The following SIPA1L3 variants were observed in gnomAD, a reference collection of about 807,000 sequenced individuals.
SIPA1L3 encodes the protein signal induced proliferation associated 1 like 3.
SIPA1L3 carries 59 observed loss-of-function variants against 150.1 expected under a neutral mutation model. That is an observed-to-expected ratio of 0.39 (90% CI 0.32 to 0.49). SIPA1L3 has a LOEUF of 0.49. Among genes scored for constraint, SIPA1L3 ranks in the 20% least tolerant of loss-of-function variants. SIPA1L3 has a pLI of 0.86. For missense variants in SIPA1L3, 2,211 were observed against 2,489.5 expected, an observed-to-expected ratio of 0.89 and a Z score of 2.38; for synonymous variants, 1,070 against 1,077.6, an observed-to-expected ratio of 0.99 and a Z score of 0.14.
At chr19:37,988,754 C>T (rs1253036183) in intron 1 of SIPA1L3, among the ~76,000 whole-genome samples, 1 of 152,134 alleles carries the variant, frequency 6.6e-6, no homozygotes, top group Non-Finnish European at 1.5e-5. Flanking sequence ...CCACTGGGCC[C>T]CCTTGATCTG....
At chr19:38,205,985 T>A (rs899387869) in intron 21 of SIPA1L3, 112 bp from the exon 22 acceptor site, 161 of 1,268,174 alleles carry the variant, frequency 1.3e-4, no homozygotes, top group Non-Finnish European at 1.5e-4. Context: ...CTGGCTCTAG[T>A]GGTTGGCTCC....
chr19:38,061,409 C>T (rs1405069138), intron 2 of SIPA1L3, among the ~76,000 whole-genome samples: 2 of 151,830 alleles, frequency 1.3e-5, no homozygotes. Context: ...TGGCCAATTC[C>T]TTAGCTTCCC....
intron 1 of SIPA1L3, among the ~76,000 whole-genome samples, chr19:37,954,621 C>T (rs1204768679): frequency 6.6e-6 from 1 of 152,132 alleles, no homozygotes; most frequent in Non-Finnish European, 1.5e-5. Flanking sequence ...TGTTAAGTTT[C>T]CGTAAACCCC....
intron 3 of SIPA1L3, among the ~76,000 whole-genome samples, 161 bp from the exon 4 acceptor site, chr19:38,088,560 C>T (rs940748640): frequency 2.6e-5 from 4 of 152,166 alleles, no homozygotes; most frequent in African/African-American, 9.6e-5. Context: ...CTTACAGTGT[C>T]TCCACTGGGG....
At chr19:38,202,138 C>A in intron 20 of SIPA1L3, 141 bp downstream of exon 20, 2 of 753,904 alleles carry the variant, frequency 2.7e-6, no homozygotes, top group Non-Finnish European at 4.1e-6. Flanking sequence ...ACTCCCCCCT[C>A]CTAACAGACT....
At chr19:38,000,880 T>TATATATATATATGTTATATATATATAAC (rs1309523908) in intron 1 of SIPA1L3, among the ~76,000 whole-genome samples, 3 of 140,410 alleles carry the variant, frequency 2.1e-5, no homozygotes, top group African/African-American at 8.4e-5. Context: ...AAGTTTTTTA[T>TATATATATATATGTTATATATATATAAC]ATATATATAT....
chr19:38,176,120 T>C (rs958977485), intron 15 of SIPA1L3, among the ~76,000 whole-genome samples: 1 of 151,996 alleles, frequency 6.6e-6, no homozygotes, highest in African/African-American at 2.4e-5. Context: ...GGCAGGAGAA[T>C]CACTTGAGCC....
chr19:38,117,884 C>G (rs1451807194), intron 8 of SIPA1L3, among the ~76,000 whole-genome samples: 1 of 152,118 alleles, frequency 6.6e-6, no homozygotes, highest in Non-Finnish European at 1.5e-5. Context: ...CTCCTAGATT[C>G]AAGTGATTCT....
chr19:38,035,695 G>A (rs1455918539), intron 2 of SIPA1L3, among the ~76,000 whole-genome samples: 1 of 152,092 alleles, frequency 6.6e-6, no homozygotes, highest in Non-Finnish European at 1.5e-5. Context: ...TACCTGGCAC[G>A]AGAAGTCGCA....
At chr19:38,195,399 C>G (rs1352062018) in intron 18 of SIPA1L3, among the ~76,000 whole-genome samples, 2 of 152,204 alleles carry the variant, frequency 1.3e-5, no homozygotes, top group African/African-American at 4.8e-5. Flanking sequence ...CCTGCAGCGC[C>G]TGCTGTGGGC....
intron 9 of SIPA1L3, among the ~76,000 whole-genome samples, chr19:38,129,755 G>T (rs34925929): frequency 0.034 from 5,194 of 152,182 alleles, 121 homozygotes; most frequent in Non-Finnish European, 0.057. Flanking sequence ...TGTCAGTCAG[G>T]ATACAGTATT....
intron 2 of SIPA1L3, among the ~76,000 whole-genome samples, chr19:38,067,745 G>C: frequency 6.6e-6 from 1 of 150,406 alleles, no homozygotes. Flanking sequence ...CTGGATGACA[G>C]AGTGAGACTC....
Position 38,182,497 on chromosome 19 carries a change from C to T in SIPA1L3, c.4209-22C>T, listed in dbSNP as rs781272916. On this transcript the variant is annotated intron_variant, in intron 15 of 21. Transcript: ENST00000222345. ...GTGGAATGGATTTGGTTTTTTTTATCTCTTTCATTTTTGCTTTGCAGTGAC... is the reference window on the plus strand; with the variant it reads ...GTGGAATGGATTTGGTTTTTTTTATTTCTTTCATTTTTGCTTTGCAGTGAC... 3.9e-6 allele frequency: 6 copies of T among 1,554,128 alleles called. No individual in the cohort carries two copies. The Admixed American group carries it at 7.6e-5, about 20-fold the overall frequency.
Position 38,119,672 on chromosome 19 carries a change from C to T in SIPA1L3, c.2658C>T (p.Ile886=), listed in dbSNP as rs199695282. Residue 886 remains isoleucine (I), a synonymous_variant, in exon 9 of 22, where the codon ATC becomes ATT. Coordinates refer to ENST00000222345, the MANE Select transcript of SIPA1L3 (RefSeq NM_015073.3). ...VAQDYAQGVE[I]DCILGISNEF... is the part of the protein sequence containing the mutation. ...AGGACTACGCCCAGGGGGTGGAAATCGACTGCATTTTGGGAATTTCCAATG... is the reference window on the plus strand; with the variant it reads ...AGGACTACGCCCAGGGGGTGGAAATTGACTGCATTTTGGGAATTTCCAATG... 6.2e-6 allele frequency: 10 copies of T among 1,614,016 alleles called. No individual in the cohort carries two copies. The highest frequency in any genetic ancestry group is 1.6e-4 in the Middle Eastern group (1 of 6,084).
chr19:38,202,132 C>A, intron 20 of SIPA1L3, 135 bp downstream of exon 20: 1 of 791,648 alleles, frequency 1.3e-6, no homozygotes, highest in Non-Finnish European at 1.9e-6. Context: ...GCAGCTACTC[C>A]CCCCTCCTAA....
At chr19:38,183,001 C>T (rs957882396) in intron 16 of SIPA1L3, 14 of 425,046 alleles carry the variant, frequency 3.3e-5, no homozygotes, top group Non-Finnish European at 5.4e-5. Context: ...GTGCCATATC[C>T]GGGTGTGGAA....
At chr19:38,155,841 G>A (rs1017191435) in intron 13 of SIPA1L3, among the ~76,000 whole-genome samples, 12 of 152,152 alleles carry the variant, frequency 7.9e-5, no homozygotes, top group Admixed American at 2.6e-4. Context: ...AGCATTTTGG[G>A]AGGCCGAGGC....
At chr19:38,187,583 G>C (rs532099299) in intron 16 of SIPA1L3, among the ~76,000 whole-genome samples, 1 of 151,456 alleles carries the variant, frequency 6.6e-6, no homozygotes, top group African/African-American at 2.4e-5. Context: ...CGGGCGAGGT[G>C]GCGGGCGCCT....
intron 1 of SIPA1L3, among the ~76,000 whole-genome samples, chr19:37,943,853 C>G (rs1341503912): frequency 6.6e-6 from 1 of 152,092 alleles, no homozygotes; most frequent in African/African-American, 2.4e-5. Context: ...TTGGTGCTGC[C>G]TCTGCTTGCG....
Sources: allele counts gnomAD v4.1 joint callset (sites outside exome capture counted in the v4.1 genomes callset), GRCh38; gene constraint gnomAD v4.1.1; transcripts MANE v1.5; gene names NCBI Gene and HGNC (gene_info 2026-07-23, HGNC 2026-07-21).